ADGRB3: variants seen among roughly 807,000 people sequenced by gnomAD.
The protein encoded by ADGRB3 is brain-specific angiogenesis inhibitor 3.
ADGRB3 carries 37 observed loss-of-function variants against 193.4 expected under a neutral mutation model. The ratio of observed to expected loss-of-function variants is 0.19; its 90% CI spans 0.15 to 0.25. The LOEUF is 0.25. Ranked by LOEUF, ADGRB3 falls within the 10% of genes least tolerant of loss-of-function variation. The pLI is 1.00. For synonymous variants in ADGRB3, 690 were observed against 644.2 expected, an observed-to-expected ratio of 1.07 and a Z score of -1.08; for missense variants, 1,637 against 1,852.9, an observed-to-expected ratio of 0.88 and a Z score of 2.14.
intron 20 of ADGRB3, among the ~76,000 whole-genome samples, chr6:69,273,822 C>G (rs1041452863): frequency 1.3e-5 from 2 of 152,182 alleles, no homozygotes; most frequent in South Asian, 2.1e-4. Flanking sequence ...GAGCTTTCCT[C>G]TATGTTTCCG....
chr6:68,827,123 G>A (rs1055518546), intron 3 of ADGRB3, among the ~76,000 whole-genome samples: 2 of 152,148 alleles, frequency 1.3e-5, no homozygotes, highest in African/African-American at 4.8e-5. Flanking sequence ...GTCCTAGGGA[G>A]CTCTATATTG....
intron 17 of ADGRB3, among the ~76,000 whole-genome samples, chr6:69,231,096 C>T (rs1002335309): frequency 2.0e-5 from 3 of 152,050 alleles, no homozygotes; most frequent in Non-Finnish European, 2.9e-5. Flanking sequence ...GCCTGGGGCT[C>T]GGCCAGGTCA....
intron 13 of ADGRB3, among the ~76,000 whole-genome samples, chr6:69,023,935 A>G (rs1253158283): frequency 6.6e-6 from 1 of 152,170 alleles, no homozygotes; most frequent in Non-Finnish European, 1.5e-5. Context: ...TATTCAACAT[A>G]AATTTGTGAG....
intron 3 of ADGRB3, among the ~76,000 whole-genome samples, chr6:68,691,233 A>C (rs539549616): frequency 6.6e-6 from 1 of 152,048 alleles, no homozygotes; most frequent in Non-Finnish European, 1.5e-5. Context: ...TTAATTAACT[A>C]TCTGAATTGT....
chr6:69,312,348 G>C (rs1483243512), intron 20 of ADGRB3, among the ~76,000 whole-genome samples: 2 of 151,786 alleles, frequency 1.3e-5, no homozygotes, highest in Non-Finnish European at 2.9e-5. Context: ...TCCTTAAGGA[G>C]AAAGGCAGAG....
chr6:69,105,726 AG>A (rs1274493698), intron 17 of ADGRB3, among the ~76,000 whole-genome samples: 1 of 152,220 alleles, frequency 6.6e-6, no homozygotes, highest in African/African-American at 2.4e-5. Context: ...GAGGAAATTG[AG>A]GGCAGGGCAG....
intron 3 of ADGRB3, among the ~76,000 whole-genome samples, chr6:68,817,355 ATATAT>A (rs1324523634): frequency 1.1e-5 from 1 of 90,028 alleles, no homozygotes; most frequent in South Asian, 3.5e-4. Flanking sequence ...ATATATATAT[ATATAT>A]AATTTCTGAC....
At chr6:68,729,704 G>A (rs1418598494) in intron 3 of ADGRB3, among the ~76,000 whole-genome samples, 16 of 151,570 alleles carry the variant, frequency 1.1e-4, no homozygotes, top group Admixed American at 9.2e-4. Flanking sequence ...TGCAATTACT[G>A]TTGCTATTAT....
chr6:68,882,157 G>A (rs1378351641), intron 3 of ADGRB3, among the ~76,000 whole-genome samples: 1 of 151,994 alleles, frequency 6.6e-6, no homozygotes, highest in Non-Finnish European at 1.5e-5. Context: ...TCTAAACCTG[G>A]GACATAATAT....
intron 14 of ADGRB3, 108 bp from the exon 15 acceptor site, chr6:69,049,163 C>T (rs1771321929): frequency 1.3e-6 from 1 of 772,582 alleles, no homozygotes; most frequent in Non-Finnish European, 2.1e-6. Context: ...CAGGCTTTAT[C>T]TTTGCCTAAG....
chr6:69,042,822 T>C (rs1166716404), intron 13 of ADGRB3, among the ~76,000 whole-genome samples: 2 of 152,220 alleles, frequency 1.3e-5, no homozygotes, highest in East Asian at 1.9e-4. Flanking sequence ...ACATGAAAAA[T>C]GATGCAAACT....
At chr6:68,786,769 A>G (rs1328398167) in intron 3 of ADGRB3, among the ~76,000 whole-genome samples, 1 of 151,192 alleles carries the variant, frequency 6.6e-6, no homozygotes, top group African/African-American at 2.4e-5. Context: ...CACGATATTG[A>G]TTCTTCCTAC....
At chr6:68,763,373 A>C (rs889728489) in intron 3 of ADGRB3, among the ~76,000 whole-genome samples, 3 of 152,242 alleles carry the variant, frequency 2.0e-5, no homozygotes, top group African/African-American at 7.2e-5. Context: ...TACAGGCATC[A>C]GCCACTGTGC....
intron 3 of ADGRB3, among the ~76,000 whole-genome samples, chr6:68,923,510 T>C (rs543372146): frequency 6.6e-6 from 1 of 152,202 alleles, no homozygotes; most frequent in South Asian, 2.1e-4. Context: ...TAGGGTAGCA[T>C]TTATTTTGTG....
chr6:68,669,776 C>T (rs1340386792), intron 3 of ADGRB3, among the ~76,000 whole-genome samples: 4 of 151,778 alleles, frequency 2.6e-5, no homozygotes, highest in Non-Finnish European at 4.4e-5. Flanking sequence ...GTATTGATTT[C>T]CTTTCTTTTG....
At chr6:69,184,788 G>A (rs765308736) in intron 17 of ADGRB3, among the ~76,000 whole-genome samples, 5 of 152,052 alleles carry the variant, frequency 3.3e-5, no homozygotes, top group Non-Finnish European at 7.4e-5. Flanking sequence ...AAATATCCTT[G>A]GGGCAGAACA....
intron 3 of ADGRB3, among the ~76,000 whole-genome samples, chr6:68,923,546 ATAG>A (rs1003710969): frequency 2.0e-5 from 3 of 152,132 alleles, no homozygotes; most frequent in Non-Finnish European, 2.9e-5. Context: ...TAATGTACCA[ATAG>A]TAGTACTATA....
intron 13 of ADGRB3, among the ~76,000 whole-genome samples, chr6:69,029,976 G>GCACACACACACA (rs10653397): frequency 2.0e-3 from 293 of 145,276 alleles, no homozygotes; most frequent in African/African-American, 6.4e-3. Flanking sequence ...TATATAGAAT[G>GCACACACACACA]CACACACACA....
At chr6:69,229,342 G>A (rs62406849) in intron 17 of ADGRB3, among the ~76,000 whole-genome samples, 22,032 of 151,988 alleles carry the variant, frequency 0.14, 1,641 homozygotes, top group Middle Eastern at 0.16. Context: ...ATATAGATTT[G>A]CCTAAATTTT....
Sources: allele counts gnomAD v4.1 joint callset (sites outside exome capture counted in the v4.1 genomes callset), GRCh38; gene constraint gnomAD v4.1.1; transcripts MANE v1.5; gene names NCBI Gene and HGNC (gene_info 2026-07-23, HGNC 2026-07-21).